CATSPER3: variants seen among roughly 807,000 people sequenced by gnomAD.
CATSPER3 encodes cation channel sperm associated 3, also known as cation channel sperm-associated protein 3.
Under a neutral mutation model 36.6 loss-of-function variants are expected in CATSPER3, and 23 were observed. The observed-to-expected ratio is 0.63, with a 90% CI of 0.45 to 0.89. The LOEUF (loss-of-function observed/expected upper bound fraction) is 0.89, where lower values mean the gene tolerates loss of function less well. Among genes scored for constraint, CATSPER3 ranks in the 40% least tolerant of loss-of-function variants. The probability of loss-of-function intolerance (pLI) is 0.00; values close to 1 mark genes in which losing one functional copy is unlikely to be tolerated. For synonymous variants in CATSPER3, 172 were observed against 184.1 expected (o/e 0.93, Z 0.53); for missense variants, 474 against 503.9 (o/e 0.94, Z 0.57).
At chr5:135,005,214 A>G (rs1212997501) in intron 3 of CATSPER3, among the ~76,000 whole-genome samples, 1 of 152,216 alleles carries the variant, frequency 6.6e-6, no homozygotes, top group Non-Finnish European at 1.5e-5. Flanking sequence ...TAGAAGGCAA[A>G]GGCTCCTGCT....
chr5:135,004,947 G>T (rs1486237053), intron 3 of CATSPER3, among the ~76,000 whole-genome samples: 1 of 152,112 alleles, frequency 6.6e-6, no homozygotes, highest in African/African-American at 2.4e-5. Context: ...GGACTTTCAG[G>T]TGAGGCCAGG....
At chr5:135,005,638 C>G (rs1325420906) in intron 3 of CATSPER3, among the ~76,000 whole-genome samples, 1 of 152,260 alleles carries the variant, frequency 6.6e-6, no homozygotes, top group Non-Finnish European at 1.5e-5. Context: ...AATCTCAGAG[C>G]CCAGAGATGG....
intron 2 of CATSPER3, among the ~76,000 whole-genome samples, chr5:134,991,021 GAAATTAAGA>G (rs1314802906): frequency 8.6e-5 from 13 of 151,938 alleles, no homozygotes; most frequent in African/African-American, 3.1e-4. Context: ...ATCTGAAAAA[GAAATTAAGA>G]AAATTATCTT....
chr5:134,984,490 CA>C (rs1459525462), intron 2 of CATSPER3, among the ~76,000 whole-genome samples: 2 of 152,094 alleles, frequency 1.3e-5, no homozygotes, highest in Non-Finnish European at 2.9e-5. Context: ...AGAAGATACA[CA>C]AATGGCCAAC....
rs77172938 is a variant in CATSPER3, at chr5:134,974,925, A to G, written c.252+4833A>G. 8.1e-3 allele frequency among the ~76,000 whole-genome samples: 1,235 copies of G among 152,254 alleles called. 9 individuals carry two copies. The highest frequency in any genetic ancestry group is 0.037 in the Middle Eastern group (11 of 294). Reference sequence around the variant, plus strand: ...ACCCTCTGTTTGCCTCCCTGATGCCATAAGGGTCACTAAGCATGTATCCTG... The same window carrying G: ...ACCCTCTGTTTGCCTCCCTGATGCCGTAAGGGTCACTAAGCATGTATCCTG... On this transcript the variant is annotated intron_variant, in intron 2 of 7. Coordinates refer to ENST00000282611, the MANE Select transcript of CATSPER3 (RefSeq NM_178019.3).
intron 2 of CATSPER3, among the ~76,000 whole-genome samples, chr5:134,982,973 G>T (rs1751767676): frequency 6.6e-6 from 1 of 152,132 alleles, no homozygotes; most frequent in African/African-American, 2.4e-5. Flanking sequence ...CTAAGGTTGT[G>T]TTAATTAAAA....
chr5:135,007,846 C>A, intron 3 of CATSPER3, 111 bp from the exon 4 acceptor site: 1 of 481,858 alleles, frequency 2.1e-6, no homozygotes, highest in South Asian at 1.5e-5. Context: ...TTGTGCCAGG[C>A]ATGGCAACAG....
intron 3 of CATSPER3, among the ~76,000 whole-genome samples, chr5:135,007,036 A>G (rs1752098337): frequency 1.3e-5 from 2 of 152,004 alleles, no homozygotes; most frequent in South Asian, 4.2e-4. Flanking sequence ...GTTACCCCAA[A>G]CTGTCCAAAC....
intron 2 of CATSPER3, among the ~76,000 whole-genome samples, chr5:134,984,928 C>T (rs1050837165): frequency 7.2e-5 from 11 of 151,908 alleles, no homozygotes; most frequent in South Asian, 4.1e-4. Flanking sequence ...AAGTGATTCT[C>T]CCGCCTCAGC....
intron 2 of CATSPER3, chr5:134,974,995 G>C (rs1258910853): frequency 6.6e-6 from 1 of 152,082 alleles, no homozygotes; most frequent in East Asian, 1.9e-4. Context: ...TCTGTGATGG[G>C]CAGACTTTGG....
intron 3 of CATSPER3, among the ~76,000 whole-genome samples, chr5:135,002,906 C>T (rs2149552266): frequency 6.6e-6 from 1 of 152,300 alleles, no homozygotes. Context: ...GAACATCCTC[C>T]TTTAGCTTGG....
chr5:134,977,713 A>T (rs559375969), intron 2 of CATSPER3, among the ~76,000 whole-genome samples: 1 of 151,988 alleles, frequency 6.6e-6, no homozygotes, highest in Non-Finnish European at 1.5e-5. Context: ...CCATTTTCCC[A>T]TATTAGTTTT....
intron 3 of CATSPER3, among the ~76,000 whole-genome samples, chr5:135,001,140 T>G (rs1023061481): frequency 6.6e-6 from 1 of 152,178 alleles, no homozygotes; most frequent in Non-Finnish European, 1.5e-5. Context: ...GTTCTCCTTG[T>G]TTTCAAAGAA....
intron 3 of CATSPER3, among the ~76,000 whole-genome samples, chr5:134,997,078 CT>C (rs1561462526): frequency 6.6e-6 from 1 of 152,254 alleles, no homozygotes; most frequent in African/African-American, 2.4e-5. Flanking sequence ...GGCTGCCCCC[CT>C]GCCTTGAATC....
intron 2 of CATSPER3, among the ~76,000 whole-genome samples, chr5:134,972,800 A>G (rs1350249582): frequency 1.3e-5 from 2 of 152,238 alleles, no homozygotes; most frequent in Admixed American, 6.5e-5. Flanking sequence ...CACACATTGC[A>G]TACCTGAGAA....
intron 3 of CATSPER3, among the ~76,000 whole-genome samples, chr5:135,003,860 C>T (rs1752051248): frequency 6.6e-6 from 1 of 152,230 alleles, no homozygotes; most frequent in Admixed American, 6.5e-5. Context: ...TCACAGCTTC[C>T]CTTGGCTAGC....
chr5:134,985,536 C>T (rs1170409067), intron 2 of CATSPER3, among the ~76,000 whole-genome samples: 2 of 152,020 alleles, frequency 1.3e-5, no homozygotes, highest in Non-Finnish European at 2.9e-5. Flanking sequence ...GTACATTGCA[C>T]CTAATAGGTA....
chr5:134,997,597 T>C (rs539128563), intron 3 of CATSPER3, among the ~76,000 whole-genome samples: 3 of 152,324 alleles, frequency 2.0e-5, no homozygotes, highest in African/African-American at 7.2e-5. Context: ...CTTGGCATCC[T>C]TGTCACTGCT....
At chr5:135,009,121 C>T in intron 5 of CATSPER3, 140 bp downstream of exon 5, 1 of 1,199,498 alleles carries the variant, frequency 8.3e-7, no homozygotes, top group Non-Finnish European at 1.2e-6. Flanking sequence ...ATGGACCTGT[C>T]CCTCACCCGG....
Sources: gnomAD v4.1 joint callset for allele counts (sites outside exome capture counted in the v4.1 genomes callset) on GRCh38, gnomAD v4.1.1 for gene constraint, MANE v1.5 for transcripts, NCBI Gene and HGNC (gene_info 2026-07-23, HGNC 2026-07-21) for gene names.